Variants in HBEGF observed in about 807,000 individuals in gnomAD.
HBEGF encodes proheparin-binding EGF-like growth factor.
In HBEGF, 8 loss-of-function variants were observed where a neutral mutation model predicts 19.5. The ratio of observed to expected loss-of-function variants is 0.41; its 90% CI spans 0.24 to 0.74. The LOEUF is 0.74. Among genes scored for constraint, HBEGF ranks in the 30% least tolerant of loss-of-function variants. The pLI is 0.32. For missense variants in HBEGF, 207 were observed against 256.9 expected (o/e 0.81, Z 1.33); for synonymous variants, 97 against 108.9 (o/e 0.89, Z 0.68).
In HBEGF at chr5:140,346,501, GTGTCT is replaced by G. The variant is rs931666071; in HGVS notation, c.-178_-174del. 1.5e-5 allele frequency: 11 copies of G among 735,420 alleles called. No individual in the cohort carries two copies. In the African/African-American group the frequency reaches 1.8e-4, roughly 12 times the overall value. 45.6% of individuals were successfully genotyped at this position (735,420 alleles called of 1,614,324 possible). On this transcript the variant is annotated 5_prime_UTR_variant, in exon 1 of 6. Coordinates refer to ENST00000230990, the MANE Select transcript of HBEGF (RefSeq NM_001945.3). This position sits in a 1 kb window ranked among gnomAD's most constrained non-coding sequence, Gnocchi z 6.1. The stretch of plus-strand genomic sequence containing the variant: ...CCCAGGCGCAGCTCGCTCTTCTTGA[GTGTCT>G]TGTCTTGCTCACTCAGCCCGCCCGC...
At chr5:140,345,685 G>A (rs1766385208) in intron 2 of HBEGF, among the ~76,000 whole-genome samples, 1 of 152,004 alleles carries the variant, frequency 6.6e-6, no homozygotes, top group Non-Finnish European at 1.5e-5. Flanking sequence ...AATTTGCCCC[G>A]GAGTACCCAG....
chr5:140,346,542 G>T lies in HBEGF; in HGVS notation c.-214C>A, dbSNP rs1766404072. 5.0e-6 allele frequency: 3 copies of T among 601,800 alleles called. No homozygotes were observed. In the East Asian group the frequency reaches 8.6e-5, roughly 17 times the overall value. 37.3% of individuals were successfully genotyped at this position (601,800 alleles called of 1,614,324 possible). A position where few individuals can be genotyped will look rare whatever the true frequency, so the allele number is the denominator to read the frequency against. On this transcript the variant is annotated 5_prime_UTR_variant, in exon 1 of 6. Transcript: ENST00000230990. The surrounding 1 kb of genome is among the most constrained non-coding windows in gnomAD (Gnocchi z 6.1). Reference sequence around the variant, plus strand: ...ACTCAGCCCGCCCGCGCGGCCGCCCGACCCCGCGCGCCTAGGTCAGGCCAG... The same window carrying T: ...ACTCAGCCCGCCCGCGCGGCCGCCCTACCCCGCGCGCCTAGGTCAGGCCAG...
At chr5:140,340,728 G>GCTGCCCT (rs1766298590) in intron 3 of HBEGF, among the ~76,000 whole-genome samples, 1 of 152,096 alleles carries the variant, frequency 6.6e-6, no homozygotes, top group South Asian at 2.1e-4. Context: ...TAGGACAACA[G>GCTGCCCT]CTGCCCTCTG....
In HBEGF at chr5:140,336,032, T is replaced by C. The variant is rs1218999023; in HGVS notation, c.399-5A>G. 3.1e-6 allele frequency: 5 copies of C among 1,613,202 alleles called. No individual in the cohort carries two copies. Among genetic ancestry groups the C allele is most frequent in the Non-Finnish European group, 3.4e-6 (4 of 1,179,676 alleles). ...CCATGGTAACCCGGGTGGCAGCTAG[T>C]TCAAGACAGAACAAGAAGGAGATGG... On this transcript the variant is annotated splice_region_variant and splice_polypyrimidine_tract_variant and intron_variant, in intron 3 of 5. Coordinates refer to ENST00000230990, the MANE Select transcript of HBEGF (RefSeq NM_001945.3).
intron 3 of HBEGF, among the ~76,000 whole-genome samples, chr5:140,337,492 T>TGTGCTTTCTCTGGGAAGGAG (rs1561539863): frequency 6.6e-6 from 1 of 152,216 alleles, no homozygotes; most frequent in East Asian, 1.9e-4. Flanking sequence ...TTTTCTGAGC[T>TGTGCTTTCTCTGGGAAGGAG]GTGCTTTCTC....
At position 140,333,367 on chromosome 5, in the gene HBEGF, A is replaced by T. The variant is rs1766182193; in HGVS notation, c.*932T>A. Reference sequence around the variant, plus strand: ...AGCACCTTGGGCTTTCAAAACACAAATGGTAGACAAAATCGCCTAGGCAAG... The same window carrying T: ...AGCACCTTGGGCTTTCAAAACACAATTGGTAGACAAAATCGCCTAGGCAAG... On this transcript the variant is annotated 3_prime_UTR_variant, in exon 6 of 6. Coordinates refer to ENST00000230990, the MANE Select transcript of HBEGF (RefSeq NM_001945.3). 6.5e-6 allele frequency: 1 copy of T among 152,906 alleles called. No individual in the cohort carries two copies. The highest frequency in any genetic ancestry group is 6.5e-5 in the Admixed American group (1 of 15,292). The allele number at this position is 152,906 out of a possible 1,614,324, so 9.5% of individuals were successfully genotyped here.
chr5:140,342,777 G>C lies in HBEGF; in HGVS notation c.256C>G (p.Pro86Ala), dbSNP rs1399781815. The C allele has an allele frequency of 3.7e-6, 6 of 1,614,086 alleles. No individual in the cohort carries two copies. In the African/African-American group the frequency reaches 5.3e-5, roughly 14 times the overall value. Residue 86 changes from proline to alanine, a missense_variant, in exon 3 of 6, where the codon CCA becomes GCA. Coordinates refer to ENST00000230990, the MANE Select transcript of HBEGF (RefSeq NM_001945.3). ...CTTTTCCCGTGCTCCTCCTTGTTTG[G>C]TGTGGCCAGTGCTTGTGGCTTGGAG... ...LSSKPQALAT[P>A]NKEEHGKRKK...
In HBEGF at chr5:140,346,525, C is replaced by G. The variant is rs1766403813; in HGVS notation, c.-197G>C. The G allele has an allele frequency of 1.6e-6, 1 of 640,082 alleles. No homozygotes were observed. Among genetic ancestry groups the G allele is most frequent in the Non-Finnish European group, 2.7e-6 (1 of 376,710 alleles). The allele number at this position is 640,082 out of a possible 1,614,324, so 39.7% of individuals were successfully genotyped here. A position where few individuals can be genotyped will look rare whatever the true frequency, so the allele number is the denominator to read the frequency against. On this transcript the variant is annotated 5_prime_UTR_variant, in exon 1 of 6. Transcript: ENST00000230990. This position sits in a 1 kb window ranked among gnomAD's most constrained non-coding sequence, Gnocchi z 6.1. The stretch of plus-strand genomic sequence containing the variant: ...AGTGTCTTGTCTTGCTCACTCAGCC[C>G]GCCCGCGCGGCCGCCCGACCCCGCG...
At chr5:140,343,099 A>ATTG in intron 2 of HBEGF, 1 of 377,570 alleles carries the variant, frequency 2.6e-6, no homozygotes, top group Non-Finnish European at 4.8e-6. Flanking sequence ...TTGTTGAGTA[A>ATTG]CTGGGCAATT....
At chr5:140,334,790 A>G in intron 4 of HBEGF, 42 bp from the exon 5 acceptor site, 2 of 1,463,778 alleles carry the variant, frequency 1.4e-6, no homozygotes, top group Non-Finnish European at 1.9e-6. Flanking sequence ...GCCTGCTATG[A>G]CAAAGTGCAG....
intron 3 of HBEGF, among the ~76,000 whole-genome samples, chr5:140,340,601 A>G (rs1267612895): frequency 1.3e-5 from 2 of 150,512 alleles, no homozygotes; most frequent in African/African-American, 2.4e-5. Flanking sequence ...AAAAAAAAAA[A>G]AAAAGAAAGA....
At chr5:140,335,063 T>C (rs753861603) in intron 4 of HBEGF, 4 of 384,348 alleles carry the variant, frequency 1.0e-5, no homozygotes, top group East Asian at 1.1e-4. Context: ...GTTCCAGGTC[T>C]CATGACAGAT....
intron 3 of HBEGF, among the ~76,000 whole-genome samples, chr5:140,340,742 T>C (rs1014877538): frequency 1.3e-5 from 2 of 152,118 alleles, no homozygotes; most frequent in Non-Finnish European, 2.9e-5. Context: ...CCCTCTGCCC[T>C]CTATAAAATG....
At position 140,339,536 on chromosome 5, in the gene HBEGF, G is replaced by A. The variant is rs186787387; in HGVS notation, c.398+3099C>T. Among the ~76,000 whole-genome samples the A allele has an allele frequency of 3.9e-5, 6 of 152,020 alleles. No individual in the cohort carries two copies. The East Asian group carries it at 9.7e-4, about 25-fold the overall frequency. On this transcript the variant is annotated intron_variant, in intron 3 of 5. Coordinates refer to ENST00000230990, the MANE Select transcript of HBEGF (RefSeq NM_001945.3). Reference sequence around the variant, plus strand: ...GCCTCTCTAGTAGCTGAGATTACAGGCGCCCGCCACAACACCCAGCTAATT... The same window carrying A: ...GCCTCTCTAGTAGCTGAGATTACAGACGCCCGCCACAACACCCAGCTAATT...
chr5:140,343,721 C>G (rs1766350363), intron 2 of HBEGF, among the ~76,000 whole-genome samples: 1 of 152,212 alleles, frequency 6.6e-6, no homozygotes, highest in Non-Finnish European at 1.5e-5. Context: ...CCCAATCCCA[C>G]CCTTTTATCC....
chr5:140,335,811 CAGG>C, intron 4 of HBEGF, 58 bp downstream of exon 4: 1 of 1,564,700 alleles, frequency 6.4e-7, no homozygotes, highest in Non-Finnish European at 8.7e-7. Flanking sequence ...GGAGAGGGCC[CAGG>C]AGGAGGAAGA....
At position 140,334,064 on chromosome 5, in the gene HBEGF, A is replaced by C. The variant is rs563516210; in HGVS notation, c.*235T>G. 2 of 152,850 alleles carry C rather than the reference A, an allele frequency of 1.3e-5. No homozygotes were observed. The highest frequency in any genetic ancestry group is 3.9e-4 in the East Asian group (2 of 5,186). 9.5% of individuals were successfully genotyped at this position (152,850 alleles called of 1,614,324 possible). On this transcript the variant is annotated 3_prime_UTR_variant, in exon 6 of 6. Transcript: ENST00000230990. ...GTGGAGGGGAATCAGAAGGGCATGA[A>C]GGTCCCTTGCTTTTGCTTTCTTCTT...
chr5:140,343,005 C>T (rs1266615791), intron 2 of HBEGF, 193 bp from the exon 3 acceptor site: 3 of 602,062 alleles, frequency 5.0e-6, no homozygotes, highest in African/African-American at 1.8e-5. Flanking sequence ...AAAGAGGGAA[C>T]CTCGGTAGGA....
intron 3 of HBEGF, among the ~76,000 whole-genome samples, 192 bp downstream of exon 3, chr5:140,342,443 G>A (rs1766327910): frequency 6.6e-6 from 1 of 152,140 alleles, no homozygotes; most frequent in Non-Finnish European, 1.5e-5. Context: ...CCATACCACA[G>A]GAAATTGCAT....
Sources: allele counts gnomAD v4.1 joint callset (sites outside exome capture counted in the v4.1 genomes callset), GRCh38; gene constraint gnomAD v4.1.1; non-coding constraint Gnocchi (gnomAD v3.1); transcripts MANE v1.5; gene names NCBI Gene and HGNC (gene_info 2026-07-23, HGNC 2026-07-21).